Variants in LUZP2 observed in about 807,000 individuals in gnomAD.
The protein encoded by LUZP2 is leucine zipper protein 2.
A neutral mutation model predicts 51.6 loss-of-function variants in LUZP2; 52 were observed. That is an observed-to-expected ratio of 1.01 (90% CI 0.81 to 1.27). The LOEUF (loss-of-function observed/expected upper bound fraction) is 1.27. LUZP2 is among the 50% of genes most tolerant of loss of function. The pLI is 0.00. For synonymous variants in LUZP2, 154 were observed against 137.3 expected (o/e 1.12, Z -0.85); for missense variants, 436 against 395.4 (o/e 1.10, Z -0.87).
chr11:24,513,093 A>G (rs11605402), intron 1 of LUZP2, among the ~76,000 whole-genome samples: 14,637 of 152,124 alleles, frequency 0.096, 730 homozygotes, highest in African/African-American at 0.12. Context: ...TTTTCCTTTC[A>G]GTCTCTGTTT....
intron 1 of LUZP2, among the ~76,000 whole-genome samples, chr11:24,672,825 C>A (rs902863226): frequency 6.6e-6 from 1 of 152,190 alleles, no homozygotes; most frequent in Non-Finnish European, 1.5e-5. Flanking sequence ...CAGGGGTCCC[C>A]AGTCCCTGGA....
intron 10 of LUZP2, among the ~76,000 whole-genome samples, chr11:25,063,112 A>G (rs76507445): frequency 0.053 from 7,974 of 151,792 alleles, 648 homozygotes; most frequent in African/African-American, 0.17. Flanking sequence ...CCACGGATCA[A>G]AAATATTTGG....
chr11:24,591,641 G>T (rs193026790), intron 1 of LUZP2, among the ~76,000 whole-genome samples: 79 of 152,038 alleles, frequency 5.2e-4, no homozygotes, highest in African/African-American at 1.7e-3. Flanking sequence ...CCTAGGGCCT[G>T]GTCACAGTTT....
chr11:24,536,412 A>G lies in LUZP2; in HGVS notation c.62+39107A>G, dbSNP rs141417123. Among the ~76,000 whole-genome samples the G allele has an allele frequency of 4.7e-4, 72 of 152,014 alleles. No individual in the cohort carries two copies. The Middle Eastern group carries it at 0.017, about 36-fold the overall frequency. On this transcript the variant is annotated intron_variant, in intron 1 of 11. Coordinates refer to ENST00000336930, the MANE Select transcript of LUZP2 (RefSeq NM_001009909.4). ...GTTGTTTAGTGTAGCCACATTCATC[A>G]ATGGTCTTGCTTAGATCTTCTGGAT... is the stretch of plus-strand genomic sequence containing the variant.
At chr11:24,902,761 A>G (rs1041701135) in intron 5 of LUZP2, among the ~76,000 whole-genome samples, 1 of 152,170 alleles carries the variant, frequency 6.6e-6, no homozygotes, top group Non-Finnish European at 1.5e-5. Flanking sequence ...AAAAAATATA[A>G]AATAATATCA....
intron 1 of LUZP2, among the ~76,000 whole-genome samples, chr11:24,728,041 C>T (rs1858548218): frequency 6.6e-6 from 1 of 151,906 alleles, no homozygotes; most frequent in Admixed American, 6.6e-5. Context: ...CAATGCTTTA[C>T]ACAAATTACC....
At chr11:24,838,892 G>C (rs2134195285) in intron 5 of LUZP2, among the ~76,000 whole-genome samples, 1 of 151,590 alleles carries the variant, frequency 6.6e-6, no homozygotes, top group Middle Eastern at 3.4e-3. Flanking sequence ...CAGGCATTTT[G>C]AATTCTCTAT....
intron 1 of LUZP2, among the ~76,000 whole-genome samples, chr11:24,663,490 A>C (rs1422273781): frequency 6.6e-6 from 1 of 152,186 alleles, no homozygotes; most frequent in Non-Finnish European, 1.5e-5. Flanking sequence ...TCTTTATAGC[A>C]GTGTGAGAAT....
intron 7 of LUZP2, among the ~76,000 whole-genome samples, chr11:24,915,175 C>T (rs1478060559): frequency 1.3e-5 from 2 of 152,068 alleles, no homozygotes; most frequent in South Asian, 2.1e-4. Context: ...ACAATACCCA[C>T]AAAAACTGTT....
intron 1 of LUZP2, among the ~76,000 whole-genome samples, chr11:24,534,196 C>A (rs1428446241): frequency 6.7e-6 from 1 of 150,092 alleles, no homozygotes; most frequent in Non-Finnish European, 1.5e-5. Flanking sequence ...AGATATGTTC[C>A]TATTATTCCA....
chr11:25,045,433 T>C (rs1300475185), intron 9 of LUZP2, among the ~76,000 whole-genome samples: 1 of 151,780 alleles, frequency 6.6e-6, no homozygotes, highest in Non-Finnish European at 1.5e-5. Flanking sequence ...TTCTCCTTGC[T>C]CTGTGTGAAC....
intron 5 of LUZP2, among the ~76,000 whole-genome samples, chr11:24,872,930 C>T (rs1168212625): frequency 6.6e-6 from 1 of 152,062 alleles, no homozygotes; most frequent in Non-Finnish European, 1.5e-5. Context: ...CTTGTGAATT[C>T]TGTTTTACAT....
At chr11:25,069,191 T>TA (rs1859083409) in intron 10 of LUZP2, among the ~76,000 whole-genome samples, 1 of 151,930 alleles carries the variant, frequency 6.6e-6, no homozygotes, top group African/African-American at 2.4e-5. Context: ...ATTATATAGT[T>TA]AAATAATAAA....
intron 1 of LUZP2, among the ~76,000 whole-genome samples, chr11:24,588,228 C>G (rs1055602916): frequency 6.6e-6 from 1 of 151,892 alleles, no homozygotes; most frequent in African/African-American, 2.4e-5. Flanking sequence ...CTGAGTCATC[C>G]TTGAATCATA....
At chr11:24,580,158 A>G (rs1852797422) in intron 1 of LUZP2, among the ~76,000 whole-genome samples, 1 of 152,214 alleles carries the variant, frequency 6.6e-6, no homozygotes, top group South Asian at 2.1e-4. Flanking sequence ...TGATGTTACA[A>G]TGTAATCCAC....
chr11:24,693,212 G>C (rs1254851426), intron 1 of LUZP2, among the ~76,000 whole-genome samples: 1 of 151,344 alleles, frequency 6.6e-6, no homozygotes, highest in Non-Finnish European at 1.5e-5. Context: ...ATATCATTTT[G>C]TTGTTGTTGT....
chr11:24,826,190 A>AAATATATATAT (rs1215786412), intron 5 of LUZP2, among the ~76,000 whole-genome samples: 953 of 67,478 alleles, frequency 0.014, 28 homozygotes, highest in East Asian at 0.025. Flanking sequence ...AAAAAAAAAA[A>AAATATATATAT]ATATATATAT....
At chr11:24,747,010 C>T (rs1859406325) in intron 4 of LUZP2, among the ~76,000 whole-genome samples, 1 of 152,142 alleles carries the variant, frequency 6.6e-6, no homozygotes, top group Non-Finnish European at 1.5e-5. Context: ...CTGGTGCCTC[C>T]CTGATTAGGT....
chr11:24,647,654 A>C (rs1183736068), intron 1 of LUZP2, among the ~76,000 whole-genome samples: 1 of 151,936 alleles, frequency 6.6e-6, no homozygotes, highest in Non-Finnish European at 1.5e-5. Flanking sequence ...CTCTTAGCTA[A>C]CTTTCTCAAA....
Sources: gnomAD v4.1 joint callset for allele counts (sites outside exome capture counted in the v4.1 genomes callset) on GRCh38, gnomAD v4.1.1 for gene constraint, MANE v1.5 for transcripts, NCBI Gene and HGNC (gene_info 2026-07-23, HGNC 2026-07-21) for gene names.